Variants in R3HDM2 observed in about 807,000 individuals in gnomAD.
R3HDM2 encodes the protein R3H domain containing 2.
Under a neutral mutation model 124.5 loss-of-function variants are expected in R3HDM2, and 38 were observed. The observed-to-expected ratio is 0.31, with a 90% CI of 0.24 to 0.40. The LOEUF is 0.40. Ranked by LOEUF, R3HDM2 falls within the 10% of genes least tolerant of loss-of-function variation. The pLI, the probability that R3HDM2 is intolerant of heterozygous loss-of-function variation, is 1.00. For missense variants in R3HDM2, 869 were observed against 1,236.9 expected (o/e 0.70, Z 4.46); for synonymous variants, 391 against 448.0 (o/e 0.87, Z 1.61).
Position 57,254,612 on chromosome 12 carries a change from G to T in R3HDM2, c.*161C>A. Reference sequence around the variant, plus strand: ...GCAGGGGAGCAAGAAGGAGTCCAATGCCAGTGTAGGTATCTGTGTTTCCAT... The same window carrying T: ...GCAGGGGAGCAAGAAGGAGTCCAATTCCAGTGTAGGTATCTGTGTTTCCAT... On this transcript the variant is annotated 3_prime_UTR_variant, in exon 24 of 24. Transcript: ENST00000402412. 3.1e-6 allele frequency: 2 copies of T among 638,750 alleles called. No homozygotes were observed. The highest frequency in any genetic ancestry group is 5.1e-6 in the Non-Finnish European group (2 of 391,436). 39.6% of individuals were successfully genotyped at this position (638,750 alleles called of 1,614,324 possible).
intron 2 of R3HDM2, among the ~76,000 whole-genome samples, chr12:57,384,214 C>T (rs909276565): frequency 6.6e-6 from 1 of 151,974 alleles, no homozygotes; most frequent in African/African-American, 2.4e-5. Context: ...ATTAGCCGGG[C>T]ACGGTGGTGG....
At chr12:57,302,899 C>T (rs146250196) in intron 4 of R3HDM2, among the ~76,000 whole-genome samples, 86 of 152,202 alleles carry the variant, frequency 5.7e-4, no homozygotes, top group African/African-American at 1.8e-3. Flanking sequence ...AACTAGTATC[C>T]AGTTCTTTCA....
intron 4 of R3HDM2, among the ~76,000 whole-genome samples, chr12:57,302,160 A>G (rs1257693806): frequency 1.3e-5 from 2 of 152,130 alleles, no homozygotes; most frequent in African/African-American, 2.4e-5. Flanking sequence ...GTGTGCCTGT[A>G]AGCCCAGCTG....
intron 2 of R3HDM2, among the ~76,000 whole-genome samples, chr12:57,374,150 T>C (rs1257838365): frequency 1.3e-5 from 2 of 151,436 alleles, no homozygotes; most frequent in Non-Finnish European, 2.9e-5. Flanking sequence ...AAAAATATGG[T>C]CCCTGCCCAC....
chr12:57,292,652 G>A lies in R3HDM2; in HGVS notation c.826C>T (p.Gln276Ter). The A allele has an allele frequency of 6.5e-7, 1 of 1,547,840 alleles. No homozygotes were observed. The highest frequency in any genetic ancestry group is 8.7e-7 in the Non-Finnish European group (1 of 1,145,326). Residue 276 changes from glutamine (Q) to a stop codon, truncating the protein, a stop_gained, in exon 11 of 24, where the codon CAG (glutamine) becomes TAG (stop). Transcript: ENST00000402412. LOFTEE classifies it high-confidence loss of function. ...RDDNQIRVPL[Q>*]DGRRSKSIEE... ...ATTGACTTGCTCCTCCTTCCATCCTGCAATGGAACTCTGATCTAGATCGAT... is the reference window on the plus strand; with the variant it reads ...ATTGACTTGCTCCTCCTTCCATCCTACAATGGAACTCTGATCTAGATCGAT...
intron 4 of R3HDM2, 91 bp from the exon 5 acceptor site, chr12:57,300,272 GAAA>G: frequency 8.8e-7 from 1 of 1,132,034 alleles, no homozygotes; most frequent in Admixed American, 2.1e-5. Context: ...TTGGCTGAAT[GAAA>G]AGTGTCCTCT....
At chr12:57,342,123 A>C (rs1166322370) in intron 2 of R3HDM2, among the ~76,000 whole-genome samples, 2 of 152,158 alleles carry the variant, frequency 1.3e-5, no homozygotes, top group Non-Finnish European at 2.9e-5. Flanking sequence ...CAGTCTGTGG[A>C]GTTCAAGGAC....
chr12:57,404,081 T>TTTTTTTTTTTTA (rs2068297377), intron 1 of R3HDM2, among the ~76,000 whole-genome samples: 1 of 143,972 alleles, frequency 6.9e-6, no homozygotes, highest in Non-Finnish European at 1.5e-5. Context: ...TTTTTTTTTT[T>TTTTTTTTTTTTA]GAGATGGAGT....
At chr12:57,405,232 G>A (rs879299941) in intron 1 of R3HDM2, among the ~76,000 whole-genome samples, 1 of 152,126 alleles carries the variant, frequency 6.6e-6, no homozygotes, top group Non-Finnish European at 1.5e-5. Flanking sequence ...GGGTCTCACT[G>A]TGTTGACTAG....
chr12:57,367,616 G>A (rs1277853038), intron 2 of R3HDM2, among the ~76,000 whole-genome samples: 1 of 152,162 alleles, frequency 6.6e-6, no homozygotes, highest in African/African-American at 2.4e-5. Flanking sequence ...ACTTTCTTCA[G>A]GCTGAAAGGT....
intron 11 of R3HDM2, 42 bp from the exon 12 acceptor site, chr12:57,289,082 C>A (rs1221132007): frequency 6.6e-7 from 1 of 1,507,118 alleles, no homozygotes; most frequent in African/African-American, 1.4e-5. Context: ...TATAAGAAAA[C>A]AGCATGGCAT....
chr12:57,274,976 T>C lies in R3HDM2; in HGVS notation c.1345-4982A>G, dbSNP rs185754169. The stretch of plus-strand genomic sequence containing the variant: ...GAATTACAAAAAAAAAATTCTAAAA[T>C]TCATATGGAACAAAAAAAGAGCCCC... On this transcript the variant is annotated intron_variant, in intron 14 of 23. Transcript: ENST00000402412. 2.4e-4 allele frequency among the ~76,000 whole-genome samples: 36 copies of C among 152,036 alleles called. 1 individual carries two copies. The highest frequency in any genetic ancestry group is 2.1e-3 in the Admixed American group (32 of 15,264).
At chr12:57,412,157 T>C (rs940740157) in intron 1 of R3HDM2, among the ~76,000 whole-genome samples, 2 of 152,196 alleles carry the variant, frequency 1.3e-5, no homozygotes, top group African/African-American at 2.4e-5. Context: ...AACAGACAAA[T>C]ACACATCCTA....
chr12:57,330,647 C>T (rs1333501236), intron 2 of R3HDM2, among the ~76,000 whole-genome samples: 11 of 145,278 alleles, frequency 7.6e-5, no homozygotes, highest in African/African-American at 2.8e-4. Context: ...GCCTGGCTGG[C>T]ATTTATTAAT....
rs2043108116 is a variant in R3HDM2, at chr12:57,269,336, T to C, written c.1701A>G (p.Pro567=). The change falls in exon 16 of 24, where the codon CCA becomes CCG. Residue 567 remains proline, a synonymous_variant. Coordinates refer to ENST00000402412, the MANE Select transcript of R3HDM2 (RefSeq NM_001394031.1). ...GGTTTCTCTTACCAGGCTGCTGGGA[T>C]GGCTGAGGCAGCTGCTGACCACGTT... ...SPQRGQQLPQ[P]SQQPGLQPMM... is the part of the protein sequence containing the mutation. 6.2e-7 allele frequency: 1 copy of C among 1,614,006 alleles called. No homozygotes were observed. The highest frequency in any genetic ancestry group is 2.2e-5 in the East Asian group (1 of 44,880).
chr12:57,329,007 T>A lies in R3HDM2; in HGVS notation c.-35-18544A>T, dbSNP rs951430716. The stretch of plus-strand genomic sequence containing the variant: ...TGCTGTTAATTGTAGAAGATCCCAA[T>A]CCTAATATACTCTCTACATGGTATC... On this transcript the variant is annotated intron_variant, in intron 2 of 23. Coordinates refer to ENST00000402412, the MANE Select transcript of R3HDM2 (RefSeq NM_001394031.1). Among the ~76,000 whole-genome samples the A allele has an allele frequency of 2.0e-5, 3 of 152,254 alleles. No homozygotes were observed. In the East Asian group the frequency reaches 5.8e-4, roughly 29 times the overall value.
chr12:57,333,518 C>T (rs10876973), intron 2 of R3HDM2, among the ~76,000 whole-genome samples: 35,085 of 151,432 alleles, frequency 0.23, 4,444 homozygotes, highest in South Asian at 0.43. Flanking sequence ...GGTGAAACCC[C>T]GTCTCTACTA....
chr12:57,414,074 C>T (rs2069297240), intron 1 of R3HDM2, among the ~76,000 whole-genome samples: 1 of 151,132 alleles, frequency 6.6e-6, no homozygotes, highest in South Asian at 2.1e-4. Flanking sequence ...GTCTTGAACT[C>T]CTGACCTCAA....
At chr12:57,318,382 G>A (rs1485329568) in intron 2 of R3HDM2, among the ~76,000 whole-genome samples, 1 of 151,902 alleles carries the variant, frequency 6.6e-6, no homozygotes, top group African/African-American at 2.4e-5. Flanking sequence ...GTGGTGCAGT[G>A]GCTCACTCCT....
Sources: allele counts gnomAD v4.1 joint callset (sites outside exome capture counted in the v4.1 genomes callset), GRCh38; gene constraint gnomAD v4.1.1; transcripts MANE v1.5; gene names NCBI Gene and HGNC (gene_info 2026-07-23, HGNC 2026-07-21).